Variants in SORCS2 observed in about 807,000 individuals in gnomAD.
The protein encoded by SORCS2 is sortilin related VPS10 domain containing receptor 2.
SORCS2 carries 100 observed loss-of-function variants against 141.6 expected under a neutral mutation model. That is an observed-to-expected ratio of 0.71 (90% confidence interval 0.60 to 0.83). The LOEUF is 0.83. Among genes scored for constraint, SORCS2 ranks in the 40% least tolerant of loss-of-function variants. The probability of loss-of-function intolerance (pLI) is 0.00; values close to 1 mark genes in which losing one functional copy is unlikely to be tolerated. For missense variants in SORCS2, 1,646 were observed against 1,560.2 expected (o/e 1.05, Z -0.93); for synonymous variants, 789 against 676.9 (o/e 1.17, Z -2.57).
At chr4:7,390,322 T>G (rs1560244799) in intron 1 of SORCS2, among the ~76,000 whole-genome samples, 2 of 152,198 alleles carry the variant, frequency 1.3e-5, no homozygotes, top group African/African-American at 4.8e-5. Context: ...CAGCCATGTG[T>G]CAGGCTGCTT....
chr4:7,399,477 C>A (rs568435206), intron 2 of SORCS2, among the ~76,000 whole-genome samples: 4 of 152,164 alleles, frequency 2.6e-5, no homozygotes, highest in Admixed American at 2.0e-4. Flanking sequence ...CTGCATTTGA[C>A]GGGCCGCATG....
intron 2 of SORCS2, among the ~76,000 whole-genome samples, chr4:7,403,370 C>G (rs1337648791): frequency 6.6e-6 from 1 of 152,118 alleles, no homozygotes; most frequent in African/African-American, 2.4e-5. Flanking sequence ...AGCTCAGGAA[C>G]CAAGCTCAAC....
intron 1 of SORCS2, among the ~76,000 whole-genome samples, chr4:7,327,309 G>A (rs986518307): frequency 2.0e-5 from 3 of 152,204 alleles, no homozygotes; most frequent in African/African-American, 7.2e-5. Flanking sequence ...GTGGCTCCTG[G>A]CGAGGCTCTG....
At chr4:7,234,908 G>T (rs377605132) in intron 1 of SORCS2, among the ~76,000 whole-genome samples, 2 of 152,268 alleles carry the variant, frequency 1.3e-5, no homozygotes, top group African/African-American at 4.8e-5. Context: ...GGGGCCAGGA[G>T]GCCGGGGAAG....
At chr4:7,601,360 G>C (rs1717653445) in intron 3 of SORCS2, among the ~76,000 whole-genome samples, 1 of 151,090 alleles carries the variant, frequency 6.6e-6, no homozygotes, top group Non-Finnish European at 1.5e-5. Context: ...AACAGTAGTA[G>C]TGCAACTTAA....
intron 1 of SORCS2, among the ~76,000 whole-genome samples, chr4:7,294,556 G>A (rs1463164467): frequency 6.6e-6 from 1 of 151,562 alleles, no homozygotes; most frequent in Non-Finnish European, 1.5e-5. Context: ...GGGTGCAGGG[G>A]GTGCTCTGGG....
chr4:7,613,338 G>C (rs547310043), intron 3 of SORCS2, among the ~76,000 whole-genome samples: 1 of 152,224 alleles, frequency 6.6e-6, no homozygotes, highest in South Asian at 2.1e-4. Flanking sequence ...GAAGAGTCGC[G>C]GGCGCTGTCT....
chr4:7,351,457 C>A (rs1038951899), intron 1 of SORCS2, among the ~76,000 whole-genome samples: 1 of 152,182 alleles, frequency 6.6e-6, no homozygotes, highest in Non-Finnish European at 1.5e-5. Context: ...TCTGTCTGTT[C>A]TCATCACATC....
rs551897090 is a variant in SORCS2 at position 7,554,680 on chromosome 4, G to A, written c.648+23051G>A. Among the ~76,000 whole-genome samples, 25 of 152,308 alleles carry A rather than the reference G, an allele frequency of 1.6e-4. No homozygotes were observed. In the East Asian group the frequency reaches 4.4e-3, roughly 27 times the overall value. On this transcript the variant is annotated intron_variant, in intron 3 of 26. Transcript: ENST00000507866. ...TTGATGCCTGTCAGAGATGCATAAA[G>A]ATTCTGCAAGGTAAGAGGAGTGCCA...
At chr4:7,688,186 C>G (rs923870048) in intron 10 of SORCS2, among the ~76,000 whole-genome samples, 1 of 152,126 alleles carries the variant, frequency 6.6e-6, no homozygotes, top group Non-Finnish European at 1.5e-5. Flanking sequence ...GAGAGGATAC[C>G]TCTGACGTGA....
intron 2 of SORCS2, among the ~76,000 whole-genome samples, chr4:7,407,457 C>T (rs545996497): frequency 7.9e-5 from 12 of 152,006 alleles, no homozygotes; most frequent in Non-Finnish European, 1.8e-4. Flanking sequence ...TTTTTACAGG[C>T]TTTGATTTGC....
rs1297434503 is a variant in SORCS2 at position 7,360,428 on chromosome 4, G to A, written c.481-35860G>A. 5.3e-5 allele frequency among the ~76,000 whole-genome samples: 8 copies of A among 151,910 alleles called. No homozygotes were observed. The South Asian group carries it at 6.2e-4, about 12-fold the overall frequency. ...CCAGCAGGTCCTACCTCCCATGACCGGAGCTTAGGCCCCTGTGAGCCATTC... is the reference window on the plus strand; with the variant it reads ...CCAGCAGGTCCTACCTCCCATGACCAGAGCTTAGGCCCCTGTGAGCCATTC... On this transcript the variant is annotated intron_variant, in intron 1 of 26. Transcript: ENST00000507866.
At position 7,256,275 on chromosome 4, in the gene SORCS2, G is replaced by A. The variant is rs573852582; in HGVS notation, c.480+63149G>A. Among the ~76,000 whole-genome samples, 6 of 152,326 alleles carry A rather than the reference G, an allele frequency of 3.9e-5. No individual in the cohort carries two copies. The South Asian group carries it at 8.3e-4, about 21-fold the overall frequency. On this transcript the variant is annotated intron_variant, in intron 1 of 26. Transcript: ENST00000507866. ...TCTTTGCTCCAGCCAGGGCCGCCAC[G>A]AGGGACCAGGGAGTGGCATTTCCAG...
chr4:7,608,007 C>T (rs1259155753), intron 3 of SORCS2, among the ~76,000 whole-genome samples: 1 of 152,066 alleles, frequency 6.6e-6, no homozygotes, highest in African/African-American at 2.4e-5. Flanking sequence ...CAGACAAATA[C>T]CGTGTTTAGG....
chr4:7,463,306 G>A (rs560919328), intron 2 of SORCS2, among the ~76,000 whole-genome samples: 6 of 152,294 alleles, frequency 3.9e-5, no homozygotes, highest in South Asian at 4.1e-4. Context: ...TATCAGACCC[G>A]GCTTTGAAAC....
chr4:7,201,277 C>A lies in SORCS2; in HGVS notation c.480+8151C>A, dbSNP rs528863720. ...CTCATGGGCACAGGAGAGACTCGTG[C>A]GTTGATCAAGAAGCCTGGCTCGAAG... On this transcript the variant is annotated intron_variant, in intron 1 of 26. Transcript: ENST00000507866. This position sits in a 1 kb window ranked among gnomAD's most constrained non-coding sequence, Gnocchi z 4.4. Among the ~76,000 whole-genome samples the A allele has an allele frequency of 6.6e-6, 1 of 152,176 alleles. No homozygotes were observed. Among genetic ancestry groups the A allele is most frequent in the Non-Finnish European group, 1.5e-5 (1 of 68,030 alleles).
intron 3 of SORCS2, among the ~76,000 whole-genome samples, chr4:7,546,076 C>T (rs1297735909): frequency 6.6e-6 from 1 of 151,980 alleles, no homozygotes; most frequent in African/African-American, 2.4e-5. Context: ...GACCTAATTC[C>T]TCCCAAAGGT....
chr4:7,471,512 C>T (rs62277634), intron 2 of SORCS2, among the ~76,000 whole-genome samples: 5,541 of 152,332 alleles, frequency 0.036, 119 homozygotes, highest in Non-Finnish European at 0.053. Context: ...ACGTCCCCTT[C>T]GTTCCAGGGA....
intron 1 of SORCS2, among the ~76,000 whole-genome samples, chr4:7,390,566 C>A (rs1283342845): frequency 6.6e-6 from 1 of 152,170 alleles, no homozygotes; most frequent in Non-Finnish European, 1.5e-5. Context: ...GATTATTGCG[C>A]GTCTCTCCGT....
Sources: allele counts gnomAD v4.1 joint callset (sites outside exome capture counted in the v4.1 genomes callset), GRCh38; gene constraint gnomAD v4.1.1; non-coding constraint Gnocchi (gnomAD v3.1); transcripts MANE v1.5; gene names NCBI Gene and HGNC (gene_info 2026-07-23, HGNC 2026-07-21).